Variants in ARFGEF3 observed in about 807,000 individuals in gnomAD.
The protein encoded by ARFGEF3 is brefeldin A-inhibited guanine nucleotide-exchange protein 3.
Under a neutral mutation model 221.7 loss-of-function variants are expected in ARFGEF3, and 96 were observed. The observed-to-expected ratio is 0.43, with a 90% CI of 0.37 to 0.51. ARFGEF3 has a LOEUF of 0.51. Ranked by LOEUF, ARFGEF3 falls within the 20% of genes least tolerant of loss-of-function variation. The probability of loss-of-function intolerance (pLI) is 0.00; values close to 1 mark genes in which losing one functional copy is unlikely to be tolerated. For synonymous variants in ARFGEF3, 1,145 were observed against 1,126.8 expected (o/e 1.02, Z -0.32); for missense variants, 2,410 against 2,789.9 (o/e 0.86, Z 3.07).
chr6:138,341,916 G>T lies in ARFGEF3; in HGVS notation c.*5430G>T, dbSNP rs1273986194. On this transcript the variant is annotated 3_prime_UTR_variant, in exon 34 of 34. Transcript: ENST00000251691. ...ACTACCACACCACTAGCACCATACAGAACCTTTTCTCTGTATCTTTGTACA... is the reference window on the plus strand; with the variant it reads ...ACTACCACACCACTAGCACCATACATAACCTTTTCTCTGTATCTTTGTACA... 1 of 152,146 alleles carries T rather than the reference G, an allele frequency of 6.6e-6. No homozygotes were observed. Among genetic ancestry groups the T allele is most frequent in the African/African-American group, 2.4e-5 (1 of 41,416 alleles). The allele number at this position is 152,146 out of a possible 1,614,324, so 9.4% of individuals were successfully genotyped here.
intron 27 of ARFGEF3, among the ~76,000 whole-genome samples, chr6:138,318,922 A>G (rs1779972817): frequency 6.6e-6 from 1 of 152,174 alleles, no homozygotes; most frequent in Non-Finnish European, 1.5e-5. Flanking sequence ...TGGCAATAAA[A>G]ATGAGGAATA....
chr6:138,343,777 G>A lies in ARFGEF3; in HGVS notation c.*7291G>A, dbSNP rs546502521. On this transcript the variant is annotated 3_prime_UTR_variant, in exon 34 of 34. Transcript: ENST00000251691. Reference sequence around the variant, plus strand: ...CTTTGTCCTACATTTCTTTCATCTGGTTCTTATTGGGAGTGCTTCTCTCTA... The same window carrying A: ...CTTTGTCCTACATTTCTTTCATCTGATTCTTATTGGGAGTGCTTCTCTCTA... 125 of 152,154 alleles carry A rather than the reference G, an allele frequency of 8.2e-4. No homozygotes were observed. Among genetic ancestry groups the A allele is most frequent in the African/African-American group, 2.9e-3 (120 of 41,498 alleles). The allele number at this position is 152,154 out of a possible 1,614,324, so 9.4% of individuals were successfully genotyped here. A position where few individuals can be genotyped will look rare whatever the true frequency, so the allele number is the denominator to read the frequency against.
In ARFGEF3 at chr6:138,250,970, G is replaced by A. The variant is rs145900529; in HGVS notation, c.666-2910G>A. Among the ~76,000 whole-genome samples the A allele has an allele frequency of 9.5e-4, 144 of 152,332 alleles. 2 individuals carry two copies. Among genetic ancestry groups the A allele is most frequent in the East Asian group, 9.6e-4 (5 of 5,194 alleles). ...TTTTACACGCATACATGCTGCGTAC[G>A]TGCGTGTGTGTATCTAGTGGAAGGT... On this transcript the variant is annotated intron_variant, in intron 8 of 33. Transcript: ENST00000251691.
chr6:138,284,295 A>G (rs746381481), intron 14 of ARFGEF3, among the ~76,000 whole-genome samples: 1 of 151,956 alleles, frequency 6.6e-6, no homozygotes, highest in Non-Finnish European at 1.5e-5. Context: ...ACAGAGTGAG[A>G]CCCCGTCTCA....
In ARFGEF3 at chr6:138,280,126, C is replaced by A; in HGVS notation, c.2423C>A (p.Pro808Gln). 1 of 1,613,794 alleles carries A rather than the reference C, an allele frequency of 6.2e-7. No individual in the cohort carries two copies. The highest frequency in any genetic ancestry group is 8.5e-7 in the Non-Finnish European group (1 of 1,179,756). Residue 808 changes from proline (P) to glutamine (Q), a missense_variant, in exon 14 of 34, where the codon CCA (proline) becomes CAA (glutamine). Pro to Gln is a moderately conservative substitution (Grantham distance 76). Transcript: ENST00000251691. Reference sequence around the variant, plus strand: ...GGAGAGGCTGGCTATTGGGGCAGCCCAGAAGATAACAGCCTTCCCCTCATC... The same window carrying A: ...GGAGAGGCTGGCTATTGGGGCAGCCAAGAAGATAACAGCCTTCCCCTCATC... ...MLGEAGYWGS[P>Q]EDNSLPLITM...
At chr6:138,234,716 T>C (rs1043527297) in intron 5 of ARFGEF3, among the ~76,000 whole-genome samples, 1 of 152,176 alleles carries the variant, frequency 6.6e-6, no homozygotes, top group Non-Finnish European at 1.5e-5. Context: ...ATAGAAGACA[T>C]TCCTTCTGCT....
intron 8 of ARFGEF3, among the ~76,000 whole-genome samples, chr6:138,253,402 T>C (rs894429826): frequency 6.6e-6 from 1 of 152,212 alleles, no homozygotes; most frequent in Non-Finnish European, 1.5e-5. Context: ...CAAGAGTTTA[T>C]TGTATTACAG....
chr6:138,209,902 CTT>C lies in ARFGEF3; in HGVS notation c.220-6_220-5del. 1 of 1,613,252 alleles carries C rather than the reference CTT, an allele frequency of 6.2e-7. No homozygotes were observed. Among genetic ancestry groups the C allele is most frequent in the Non-Finnish European group, 8.5e-7 (1 of 1,179,480 alleles). The stretch of plus-strand genomic sequence containing the variant: ...TATCTGTGATCACTGCCTTGTGCCT[CTT>C]TACAGAAGCTTCTGTCGGAAGAGAG... On this transcript the variant is annotated splice_region_variant and splice_polypyrimidine_tract_variant and intron_variant, in intron 3 of 33. Coordinates refer to ENST00000251691, the MANE Select transcript of ARFGEF3 (RefSeq NM_020340.5).
At chr6:138,190,206 G>A (rs1248086440) in intron 2 of ARFGEF3, among the ~76,000 whole-genome samples, 1 of 150,858 alleles carries the variant, frequency 6.6e-6, no homozygotes. Context: ...TGTGAACCAA[G>A]CAGGATAAAC....
rs927288381 is a variant in ARFGEF3 at position 138,337,825 on chromosome 6, C to G, written c.*1339C>G. On this transcript the variant is annotated 3_prime_UTR_variant, in exon 34 of 34. Transcript: ENST00000251691. The stretch of plus-strand genomic sequence containing the variant: ...ATTATCCTAATGATTGAAAACTCCT[C>G]AATCAAGCTTACTTACACACATTCT... 4 of 152,174 alleles carry G rather than the reference C, an allele frequency of 2.6e-5. No homozygotes were observed. The highest frequency in any genetic ancestry group is 9.7e-5 in the African/African-American group (4 of 41,418). The allele number at this position is 152,174 out of a possible 1,614,324, so 9.4% of individuals were successfully genotyped here.
intron 4 of ARFGEF3, chr6:138,217,085 G>A (rs1777880181): frequency 6.6e-6 from 1 of 152,228 alleles, no homozygotes; most frequent in African/African-American, 2.4e-5. Flanking sequence ...AAAGCCTGGA[G>A]ATGTGATTTT....
At chr6:138,324,001 A>AGCATCT in intron 30 of ARFGEF3, 22 bp from the exon 31 acceptor site, 1 of 1,609,794 alleles carries the variant, frequency 6.2e-7, no homozygotes, top group Non-Finnish European at 8.5e-7. Flanking sequence ...GCATTCAGTG[A>AGCATCT]GCATCTGCTG....
intron 10 of ARFGEF3, among the ~76,000 whole-genome samples, chr6:138,256,498 T>G (rs957774039): frequency 6.6e-6 from 1 of 152,170 alleles, no homozygotes. Context: ...ATTCCCTTGT[T>G]GATGATTAAT....
chr6:138,173,062 ATGTT>A (rs1221230486), intron 2 of ARFGEF3, among the ~76,000 whole-genome samples: 1 of 152,156 alleles, frequency 6.6e-6, no homozygotes, highest in East Asian at 1.9e-4. Flanking sequence ...TTGGAGAAAA[ATGTT>A]TGGGGAAAAT....
At position 138,208,281 on chromosome 6, in the gene ARFGEF3, G is replaced by C. The variant is rs190870522; in HGVS notation, c.219+1158G>C. On this transcript the variant is annotated intron_variant, in intron 3 of 33. Transcript: ENST00000251691. The stretch of plus-strand genomic sequence containing the variant: ...CCCTGCTACCTCCTCTTAACTTTAG[G>C]CATATTTTTAGAGCGTCTCAGTTTT... Among the ~76,000 whole-genome samples, 32 of 151,812 alleles carry C rather than the reference G, an allele frequency of 2.1e-4. No homozygotes were observed. In the East Asian group the frequency reaches 5.0e-3, roughly 24 times the overall value.
intron 12 of ARFGEF3, among the ~76,000 whole-genome samples, chr6:138,271,329 A>G (rs1176238720): frequency 6.6e-6 from 1 of 152,126 alleles, no homozygotes; most frequent in Non-Finnish European, 1.5e-5. Flanking sequence ...AAAATAAATA[A>G]TCATACCACC....
intron 10 of ARFGEF3, among the ~76,000 whole-genome samples, chr6:138,256,827 C>T (rs1778692143): frequency 1.3e-5 from 2 of 152,116 alleles, no homozygotes; most frequent in South Asian, 4.2e-4. Flanking sequence ...CTCTGTTGCC[C>T]AGGCTGGAGT....
chr6:138,162,617 A>G lies in ARFGEF3; in HGVS notation c.85+446A>G, dbSNP rs145365024. ...AGGCTTGTTTAATTTGATTTTCCTG[A>G]TAGAGGTCAGCTTGCTTAGTGTTAG... On this transcript the variant is annotated intron_variant, in intron 1 of 33. Transcript: ENST00000251691. The surrounding 1 kb of genome is among the most constrained non-coding windows in gnomAD (Gnocchi z 4.7). Among the ~76,000 whole-genome samples the G allele has an allele frequency of 6.6e-6, 1 of 152,212 alleles. No homozygotes were observed. Among genetic ancestry groups the G allele is most frequent in the Non-Finnish European group, 1.5e-5 (1 of 68,030 alleles).
At chr6:138,314,353 C>G (rs1779882008) in intron 26 of ARFGEF3, among the ~76,000 whole-genome samples, 4 of 152,196 alleles carry the variant, frequency 2.6e-5, no homozygotes, top group Admixed American at 2.6e-4. Context: ...AAGGTCCCAC[C>G]TGTTAACACT....
Sources: allele counts gnomAD v4.1 joint callset (sites outside exome capture counted in the v4.1 genomes callset), GRCh38; gene constraint gnomAD v4.1.1; non-coding constraint Gnocchi (gnomAD v3.1); transcripts MANE v1.5; gene names NCBI Gene and HGNC (gene_info 2026-07-23, HGNC 2026-07-21).